The following LSAMP variants were observed in gnomAD, a reference collection of about 807,000 sequenced individuals.
The protein encoded by LSAMP is limbic system associated membrane protein.
In LSAMP, 7 loss-of-function variants were observed where a neutral mutation model predicts 38.6. The ratio of observed to expected loss-of-function variants is 0.18; its 90% CI spans 0.10 to 0.34. The LOEUF (loss-of-function observed/expected upper bound fraction) is 0.34, where lower values mean the gene tolerates loss of function less well. Ranked by LOEUF, LSAMP falls within the 10% of genes least tolerant of loss-of-function variation. LSAMP has a pLI of 1.00. For missense variants in LSAMP, 313 were observed against 420.0 expected (o/e 0.75, Z 2.23); for synonymous variants, 154 against 166.8 (o/e 0.92, Z 0.59).
chr3:115,985,821 G>A (rs1246988968), intron 3 of LSAMP, among the ~76,000 whole-genome samples: 3 of 152,144 alleles, frequency 2.0e-5, no homozygotes, highest in Non-Finnish European at 2.9e-5. Flanking sequence ...TCAGTTCTTC[G>A]CAGACTGTAG....
At chr3:116,344,278 T>C (rs191862964) in intron 1 of LSAMP, among the ~76,000 whole-genome samples, 6 of 152,072 alleles carry the variant, frequency 3.9e-5, no homozygotes, top group African/African-American at 1.4e-4. Context: ...GAAGATTAGA[T>C]TGAAAGAAAG....
intron 3 of LSAMP, among the ~76,000 whole-genome samples, chr3:115,977,768 C>G (rs1193882378): frequency 6.6e-6 from 1 of 150,620 alleles, no homozygotes; most frequent in African/African-American, 2.4e-5. Flanking sequence ...TTTCCTCTGT[C>G]TCTCTTTTTC....
At chr3:116,323,012 G>T (rs2047725129) in intron 1 of LSAMP, among the ~76,000 whole-genome samples, 1 of 152,076 alleles carries the variant, frequency 6.6e-6, no homozygotes, top group East Asian at 1.9e-4. Context: ...ATGAAAACTG[G>T]CTTAGTTACT....
chr3:115,852,269 G>C (rs1935356825), intron 4 of LSAMP, among the ~76,000 whole-genome samples: 1 of 152,228 alleles, frequency 6.6e-6, no homozygotes, highest in Non-Finnish European at 1.5e-5. Context: ...AAAGGGTACT[G>C]TTAAATGTAT....
chr3:116,349,745 TCA>T (rs1348358607), intron 1 of LSAMP, among the ~76,000 whole-genome samples: 2 of 151,954 alleles, frequency 1.3e-5, no homozygotes, highest in Non-Finnish European at 2.9e-5. Flanking sequence ...AGCAATGTAG[TCA>T]CACGCCTGGG....
At chr3:116,173,891 G>C (rs769409273) in intron 1 of LSAMP, among the ~76,000 whole-genome samples, 2 of 150,026 alleles carry the variant, frequency 1.3e-5, no homozygotes, top group Non-Finnish European at 3.0e-5. Context: ...AGTTACCATT[G>C]TTATTGGACA....
chr3:116,132,236 A>G (rs1709149993), intron 1 of LSAMP, among the ~76,000 whole-genome samples: 1 of 81,408 alleles, frequency 1.2e-5, no homozygotes, highest in Non-Finnish European at 3.0e-5. Context: ...CTATAGAACT[A>G]TCAAAAAAAA....
chr3:116,230,691 C>T (rs2046393151), intron 1 of LSAMP, among the ~76,000 whole-genome samples: 1 of 152,104 alleles, frequency 6.6e-6, no homozygotes, highest in South Asian at 2.1e-4. Context: ...GAAATGTTCA[C>T]CAATTGCTGC....
At chr3:116,149,573 C>A (rs541535681) in intron 1 of LSAMP, among the ~76,000 whole-genome samples, 1 of 151,724 alleles carries the variant, frequency 6.6e-6, no homozygotes, top group South Asian at 2.1e-4. Context: ...GGGTATTCAG[C>A]AGATTTCAGA....
At chr3:116,079,449 T>C (rs1707824369) in intron 2 of LSAMP, among the ~76,000 whole-genome samples, 1 of 152,130 alleles carries the variant, frequency 6.6e-6, no homozygotes. Flanking sequence ...ACGAGGTCAG[T>C]AGTTGGTCAC....
chr3:116,076,800 GCAAA>G (rs1354188902), intron 2 of LSAMP, among the ~76,000 whole-genome samples: 6 of 151,920 alleles, frequency 3.9e-5, no homozygotes, highest in African/African-American at 7.3e-5. Flanking sequence ...ACCCAAACAA[GCAAA>G]CAAACAAAAA....
intron 1 of LSAMP, among the ~76,000 whole-genome samples, chr3:116,428,170 C>T (rs1449890486): frequency 6.6e-6 from 1 of 152,094 alleles, no homozygotes; most frequent in Non-Finnish European, 1.5e-5. Flanking sequence ...ATATCATTAC[C>T]TGGTCTAGAA....
At chr3:115,964,723 C>T (rs9871905) in intron 3 of LSAMP, among the ~76,000 whole-genome samples, 31,261 of 151,794 alleles carry the variant, frequency 0.21, 3,384 homozygotes, top group African/African-American at 0.28. Flanking sequence ...AAAAATCAAA[C>T]GCATTTCTAG....
intron 3 of LSAMP, among the ~76,000 whole-genome samples, chr3:115,853,373 T>A (rs1380595294): frequency 6.6e-6 from 1 of 152,214 alleles, no homozygotes; most frequent in Non-Finnish European, 1.5e-5. Flanking sequence ...TGTGATGGAC[T>A]GTGTCATCTG....
intron 1 of LSAMP, among the ~76,000 whole-genome samples, chr3:116,115,662 GCAAAAAA>G (rs917195296): frequency 7.9e-5 from 12 of 151,140 alleles, no homozygotes; most frequent in South Asian, 2.1e-4. Flanking sequence ...AAAAGTGAAG[GCAAAAAA>G]CAAAAAACAA....
intron 1 of LSAMP, among the ~76,000 whole-genome samples, chr3:116,228,464 A>G (rs970697798): frequency 3.9e-5 from 6 of 152,054 alleles, no homozygotes; most frequent in African/African-American, 1.4e-4. Flanking sequence ...AATTCTCTGG[A>G]TATCAATTTC....
intron 1 of LSAMP, among the ~76,000 whole-genome samples, chr3:116,096,041 G>A (rs1708219226): frequency 6.6e-6 from 1 of 152,144 alleles, no homozygotes; most frequent in Non-Finnish European, 1.5e-5. Flanking sequence ...TGTTTCCTAA[G>A]CTATAAAACG....
chr3:116,280,799 T>C (rs35406989), intron 1 of LSAMP, among the ~76,000 whole-genome samples: 18,699 of 152,182 alleles, frequency 0.12, 1,478 homozygotes, highest in African/African-American at 0.21. Flanking sequence ...AAGTGGCCAT[T>C]CGGCACAAAC....
intron 3 of LSAMP, among the ~76,000 whole-genome samples, chr3:115,919,780 T>G (rs868441463): frequency 2.0e-5 from 3 of 152,060 alleles, no homozygotes; most frequent in South Asian, 4.2e-4. Context: ...TCTGACTAAT[T>G]TTTGTATTTT....
Sources: allele counts gnomAD v4.1 joint callset (sites outside exome capture counted in the v4.1 genomes callset), GRCh38; gene constraint gnomAD v4.1.1; transcripts MANE v1.5; gene names NCBI Gene and HGNC (gene_info 2026-07-23, HGNC 2026-07-21).